The following SCN8A variants were observed in gnomAD, a reference collection of about 807,000 sequenced individuals.
SCN8A encodes sodium channel protein type 8 subunit alpha.
In SCN8A, 30 loss-of-function variants were observed where a neutral mutation model predicts 184.1. That is an observed-to-expected ratio of 0.16 (90% confidence interval 0.12 to 0.22). The LOEUF (loss-of-function observed/expected upper bound fraction) is 0.22. Ranked by LOEUF, SCN8A falls within the 10% of genes least tolerant of loss-of-function variation. SCN8A has a pLI of 1.00. For missense variants in SCN8A, 1,057 were observed against 2,498.9 expected (o/e 0.42, Z 12.30); for synonymous variants, 852 against 907.0 (o/e 0.94, Z 1.09).
intron 1 of SCN8A, among the ~76,000 whole-genome samples, chr12:51,660,405 C>A (rs900355810): frequency 1.3e-5 from 2 of 152,262 alleles, no homozygotes; most frequent in East Asian, 3.9e-4. Flanking sequence ...GTTCTTTGTC[C>A]TCTGCGTAGG....
intron 6 of SCN8A, among the ~76,000 whole-genome samples, chr12:51,691,406 A>G (rs971339867): frequency 6.6e-6 from 1 of 152,052 alleles, no homozygotes; most frequent in African/African-American, 2.4e-5. Flanking sequence ...TTCTTTGTAT[A>G]TATCCTTAAT....
rs1467610434 is a variant in SCN8A, at chr12:51,778,251, A to G, written c.3820-2398A>G. Among the ~76,000 whole-genome samples, 3 of 152,152 alleles carry G rather than the reference A, an allele frequency of 2.0e-5. 1 individual carries two copies. The highest frequency in any genetic ancestry group is 4.4e-5 in the Non-Finnish European group (3 of 68,022). On this transcript the variant is annotated intron_variant, in intron 20 of 26. Coordinates refer to ENST00000627620, the MANE Select transcript of SCN8A (RefSeq NM_001330260.2). The stretch of plus-strand genomic sequence containing the variant: ...ACACTGGTGGATTATGAGCACATGC[A>G]TAGATCAAGGTCCATATCCCTTTTT...
At chr12:51,636,230 T>A (rs530573796) in intron 1 of SCN8A, among the ~76,000 whole-genome samples, 2 of 152,310 alleles carry the variant, frequency 1.3e-5, no homozygotes, top group Admixed American at 6.5e-5. Flanking sequence ...TCTCCTGACC[T>A]CGTGATCCGC....
At position 51,763,704 on chromosome 12, in the gene SCN8A, G is replaced by GT. The variant is rs138501105; in HGVS notation, c.2544+1029dup. 1.1e-4 allele frequency among the ~76,000 whole-genome samples: 16 copies of GT among 152,260 alleles called. No homozygotes were observed. The East Asian group carries it at 2.9e-3, about 27-fold the overall frequency. ...AAAACAGCTGTCCGTAAACATAAGC[G>GT]TAAGTGATATCTTGATTAACTCCTC... On this transcript the variant is annotated intron_variant, in intron 15 of 26. Transcript: ENST00000627620.
intron 11 of SCN8A, chr12:51,713,179 C>T: frequency 8.4e-7 from 1 of 1,192,682 alleles, no homozygotes; most frequent in Non-Finnish European, 1.2e-6. Flanking sequence ...AAAGTAGTCT[C>T]TCAAATTATA....
At chr12:51,609,118 T>G (rs60418452) in intron 1 of SCN8A, among the ~76,000 whole-genome samples, 133 of 152,334 alleles carry the variant, frequency 8.7e-4, no homozygotes, top group African/African-American at 3.2e-3. Flanking sequence ...AATTTCAGTT[T>G]TCTTAAATTT....
In SCN8A at chr12:51,806,691, T is replaced by C. The variant is rs772615303; in HGVS notation, c.5205T>C (p.Asp1735=). Residue 1735 remains aspartate, a synonymous_variant, in exon 27 of 27, where the codon GAT becomes GAC. Coordinates refer to ENST00000627620, the MANE Select transcript of SCN8A (RefSeq NM_001330260.2). The surrounding 1 kb of genome is among the most constrained non-coding windows in gnomAD (Gnocchi z 8.7). ...KEHPGSGFKG[D]CGNPSVGIFF... is the part of the protein sequence containing the mutation. Reference sequence around the variant, plus strand: ...ACCCAGGGAGTGGCTTTAAGGGAGATTGTGGGAACCCCTCAGTGGGCATCT... The same window carrying C: ...ACCCAGGGAGTGGCTTTAAGGGAGACTGTGGGAACCCCTCAGTGGGCATCT... The C allele has an allele frequency of 1.1e-5, 18 of 1,614,002 alleles. No individual in the cohort carries two copies. Among genetic ancestry groups the C allele is most frequent in the South Asian group, 2.2e-5 (2 of 91,070 alleles).
chr12:51,803,901 C>T (rs910884071), intron 26 of SCN8A, among the ~76,000 whole-genome samples: 3 of 152,182 alleles, frequency 2.0e-5, no homozygotes, highest in Non-Finnish European at 2.9e-5. Flanking sequence ...CTTGTCTTTT[C>T]CTGAAAAGCT....
intron 21 of SCN8A, 147 bp downstream of exon 21, chr12:51,780,918 T>C: frequency 9.6e-7 from 1 of 1,044,424 alleles, no homozygotes; most frequent in Non-Finnish European, 1.2e-6. Flanking sequence ...CCCCCACACC[T>C]GCCCCGTGCA....
Position 51,663,903 on chromosome 12 carries a change from A to ATTTTTTTTTTTT in SCN8A, c.276+823_276+834dup, listed in dbSNP as rs796653928. ...TTTTAGGGAACCCCTCATTTGACAGATTTTTTTTTTTTTTTTTTTTTTTTG... is the reference window on the plus strand; with the variant it reads ...TTTTAGGGAACCCCTCATTTGACAGATTTTTTTTTTTTTTTTTTTTTTTTTTTTTTTTTTTTG... On this transcript the variant is annotated intron_variant, in intron 2 of 26. Coordinates refer to ENST00000627620, the MANE Select transcript of SCN8A (RefSeq NM_001330260.2). 2.7e-4 allele frequency among the ~76,000 whole-genome samples: 19 copies of ATTTTTTTTTTTT among 69,822 alleles called. 2 individuals carry two copies. The highest frequency in any genetic ancestry group is 3.9e-4 in the African/African-American group (8 of 20,742). The allele number at this position is 69,822 out of a possible 152,430, so 45.8% of individuals were successfully genotyped here.
chr12:51,753,910 G>A (rs1942633449), intron 14 of SCN8A, among the ~76,000 whole-genome samples: 1 of 152,192 alleles, frequency 6.6e-6, no homozygotes, highest in Non-Finnish European at 1.5e-5. Context: ...AGACTGACTT[G>A]TGAAATAAAG....
At chr12:51,701,338 C>A (rs1020340552) in intron 8 of SCN8A, 131 bp downstream of exon 8, 27 of 476,086 alleles carry the variant, frequency 5.7e-5, no homozygotes, top group African/African-American at 4.2e-4. Flanking sequence ...TCTGACCTAT[C>A]GGTTGGCATA....
intron 6 of SCN8A, among the ~76,000 whole-genome samples, chr12:51,698,189 C>A (rs1296678104): frequency 6.6e-6 from 1 of 152,174 alleles, no homozygotes. Flanking sequence ...CACACTTAAT[C>A]CTCACAGCAG....
At chr12:51,791,912 G>A (rs1239622353) in intron 25 of SCN8A, among the ~76,000 whole-genome samples, 1 of 152,088 alleles carries the variant, frequency 6.6e-6, no homozygotes, top group Non-Finnish European at 1.5e-5. Context: ...ATTTTAAAAA[G>A]TAGGAAACAT....
chr12:51,798,429 A>G (rs972136436), intron 26 of SCN8A, among the ~76,000 whole-genome samples: 13 of 152,214 alleles, frequency 8.5e-5, no homozygotes, highest in Non-Finnish European at 7.3e-5. Context: ...TGCCCTTTCC[A>G]TGATGGAAGA....
intron 12 of SCN8A, among the ~76,000 whole-genome samples, chr12:51,742,345 A>C (rs1251979040): frequency 1.3e-5 from 2 of 152,198 alleles, no homozygotes; most frequent in Non-Finnish European, 2.9e-5. Flanking sequence ...TTCAGATGGA[A>C]GAACTCCTTT....
chr12:51,624,537 A>G (rs1411116430), intron 1 of SCN8A, among the ~76,000 whole-genome samples: 2 of 151,852 alleles, frequency 1.3e-5, no homozygotes, highest in Non-Finnish European at 2.9e-5. Flanking sequence ...AGTAGATTGC[A>G]AAAATTTTCT....
chr12:51,748,660 A>T (rs1479934245), intron 13 of SCN8A, among the ~76,000 whole-genome samples: 4 of 151,600 alleles, frequency 2.6e-5, no homozygotes, highest in African/African-American at 7.3e-5. Context: ...AATTCCAAAA[A>T]CTCCCCTAGA....
At chr12:51,631,495 G>A (rs572584000) in intron 1 of SCN8A, among the ~76,000 whole-genome samples, 8 of 152,152 alleles carry the variant, frequency 5.3e-5, no homozygotes, top group East Asian at 1.9e-4. Context: ...TTGTCTCTGC[G>A]TACTTCAACT....
Sources: gnomAD v4.1 joint callset for allele counts (sites outside exome capture counted in the v4.1 genomes callset) on GRCh38, gnomAD v4.1.1 for gene constraint, Gnocchi (gnomAD v3.1) non-coding constraint, MANE v1.5 for transcripts, NCBI Gene and HGNC (gene_info 2026-07-23, HGNC 2026-07-21) for gene names.